The following FAM227B variants were observed in gnomAD, a reference collection of about 807,000 sequenced individuals.
The protein encoded by FAM227B is protein FAM227B.
A neutral mutation model predicts 73.8 loss-of-function variants in FAM227B; 88 were observed. The ratio of observed to expected loss-of-function variants is 1.19; its 90% CI spans 1.00 to 1.42. The LOEUF (loss-of-function observed/expected upper bound fraction) is 1.42. Among genes scored for constraint, FAM227B ranks in the 40% most tolerant of loss-of-function variants. The pLI, the probability that FAM227B is intolerant of heterozygous loss-of-function variation, is 0.00. For synonymous variants in FAM227B, 210 were observed against 190.5 expected (o/e 1.10, Z -0.84); for missense variants, 632 against 590.9 (o/e 1.07, Z -0.72).
At chr15:49,568,759 T>C (rs542918777) in intron 8 of FAM227B, among the ~76,000 whole-genome samples, 4 of 152,170 alleles carry the variant, frequency 2.6e-5, no homozygotes, top group Admixed American at 2.0e-4. Context: ...ATAATCCTTT[T>C]AATATGCTGT....
chr15:49,504,905 A>C (rs1248296092), intron 11 of FAM227B, among the ~76,000 whole-genome samples: 1 of 152,230 alleles, frequency 6.6e-6, no homozygotes, highest in East Asian at 1.9e-4. Context: ...ATGTTTATCA[A>C]AGAGAAATAA....
At chr15:49,426,097 T>G (rs2050109032) in intron 11 of FAM227B, among the ~76,000 whole-genome samples, 1 of 151,588 alleles carries the variant, frequency 6.6e-6, no homozygotes, top group African/African-American at 2.4e-5. Flanking sequence ...CGACAGAGCC[T>G]AGGTAAAAAT....
chr15:49,338,718 T>A (rs1479869568), intron 13 of FAM227B, among the ~76,000 whole-genome samples: 2 of 152,202 alleles, frequency 1.3e-5, no homozygotes, highest in Non-Finnish European at 2.9e-5. Context: ...TCCTGAAGAG[T>A]GTTTTCCAAC....
At chr15:49,488,065 A>C (rs2056553171) in intron 11 of FAM227B, 1 of 152,010 alleles carries the variant, frequency 6.6e-6, no homozygotes, top group African/African-American at 2.4e-5. Flanking sequence ...ATGGGTGATT[A>C]CTGGCCAATC....
chr15:49,447,244 G>A (rs772533993), intron 11 of FAM227B, among the ~76,000 whole-genome samples: 1 of 151,560 alleles, frequency 6.6e-6, no homozygotes, highest in Non-Finnish European at 1.5e-5. Context: ...TATTTCTTTT[G>A]ATACTTGTAA....
chr15:49,366,720 G>T, intron 13 of FAM227B: 2 of 1,157,686 alleles, frequency 1.7e-6, no homozygotes, highest in East Asian at 2.4e-5. Context: ...GGCGCGGCGC[G>T]GCTCACTAGG....
chr15:49,489,823 TATA>T (rs1202912043), intron 11 of FAM227B, among the ~76,000 whole-genome samples: 2 of 19,400 alleles, frequency 1.0e-4, no homozygotes, highest in East Asian at 4.9e-3. Flanking sequence ...ATATATATTT[TATA>T]TATATATATA....
chr15:49,493,902 A>T (rs1454188485), intron 11 of FAM227B, among the ~76,000 whole-genome samples: 1 of 142,238 alleles, frequency 7.0e-6, no homozygotes, highest in East Asian at 2.0e-4. Flanking sequence ...GTGTGTGTGT[A>T]TGTATGTGTG....
At chr15:49,529,969 T>C (rs1216532631) in intron 10 of FAM227B, among the ~76,000 whole-genome samples, 1 of 151,752 alleles carries the variant, frequency 6.6e-6, no homozygotes, top group African/African-American at 2.4e-5. Context: ...GCTGAGTAGT[T>C]TTCCATGGCA....
intron 9 of FAM227B, among the ~76,000 whole-genome samples, chr15:49,567,590 A>C (rs2074761189): frequency 6.6e-6 from 1 of 152,132 alleles, no homozygotes; most frequent in African/African-American, 2.4e-5. Flanking sequence ...TCTCATGAAA[A>C]CATTTACAAA....
intron 11 of FAM227B, among the ~76,000 whole-genome samples, chr15:49,411,722 T>G (rs1369513302): frequency 1.3e-5 from 2 of 152,098 alleles, no homozygotes; most frequent in Non-Finnish European, 2.9e-5. Flanking sequence ...CCATGTATTC[T>G]TAGCATAATT....
chr15:49,388,380 G>T (rs566693961), intron 11 of FAM227B, among the ~76,000 whole-genome samples: 5 of 151,838 alleles, frequency 3.3e-5, no homozygotes, highest in Admixed American at 3.3e-4. Context: ...ATAAGTTAGG[G>T]AATTGATATC....
At chr15:49,574,906 T>TGTA (rs1355108114) in intron 8 of FAM227B, 105 bp downstream of exon 8, 1 of 605,804 alleles carries the variant, frequency 1.7e-6, no homozygotes, top group Non-Finnish European at 2.9e-6. Flanking sequence ...AACTAATCTC[T>TGTA]GTAGTTGCAT....
intron 11 of FAM227B, among the ~76,000 whole-genome samples, chr15:49,389,159 G>A (rs1201128422): frequency 5.9e-5 from 9 of 151,804 alleles, no homozygotes. Flanking sequence ...CCCAAAGAAA[G>A]AAGTCATTAT....
chr15:49,565,743 G>A (rs901005007), intron 9 of FAM227B, among the ~76,000 whole-genome samples: 1 of 152,010 alleles, frequency 6.6e-6, no homozygotes, highest in South Asian at 2.1e-4. Context: ...AAAGATCTTC[G>A]GTGGGGGTTA....
At chr15:49,543,411 C>T (rs2071362337) in intron 9 of FAM227B, among the ~76,000 whole-genome samples, 1 of 152,098 alleles carries the variant, frequency 6.6e-6, no homozygotes, top group Non-Finnish European at 1.5e-5. Context: ...GATATTAGTC[C>T]TTTGTCGGAT....
At chr15:49,337,632 T>A (rs569274500) in intron 13 of FAM227B, among the ~76,000 whole-genome samples, 1 of 150,230 alleles carries the variant, frequency 6.7e-6, no homozygotes, top group African/African-American at 2.4e-5. Flanking sequence ...CTCATCAACC[T>A]GTCATCTACA....
rs561377804 is a variant in FAM227B, at chr15:49,540,558, C to A, written c.874+1122G>T. The stretch of plus-strand genomic sequence containing the variant: ...ACCTAATCCACCGTGTTGCTCATAT[C>A]ATTTATCTCTCCCACTTCTTATAAG... On this transcript the variant is annotated intron_variant, in intron 10 of 15. Transcript: ENST00000299338. 2.0e-5 allele frequency among the ~76,000 whole-genome samples: 3 copies of A among 152,268 alleles called. No individual in the cohort carries two copies. The South Asian group carries it at 6.2e-4, about 32-fold the overall frequency.
intron 11 of FAM227B, among the ~76,000 whole-genome samples, chr15:49,493,425 C>T (rs1597578007): frequency 6.6e-6 from 1 of 151,936 alleles, no homozygotes; most frequent in African/African-American, 2.4e-5. Context: ...TGTACACGCA[C>T]CATACTTCCT....
Sources: gnomAD v4.1 joint callset for allele counts (sites outside exome capture counted in the v4.1 genomes callset) on GRCh38, gnomAD v4.1.1 for gene constraint, MANE v1.5 for transcripts, NCBI Gene and HGNC (gene_info 2026-07-23, HGNC 2026-07-21) for gene names.